SLC25A26: variants seen among roughly 807,000 people sequenced by gnomAD.
SLC25A26 encodes mitochondrial S-adenosylmethionine carrier protein.
A neutral mutation model predicts 37.8 loss-of-function variants in SLC25A26; 36 were observed. The observed-to-expected ratio is 0.95, with a 90% CI of 0.73 to 1.26. The LOEUF (loss-of-function observed/expected upper bound fraction) is 1.26. SLC25A26 is among the 50% of genes most tolerant of loss of function. The pLI is 0.00. For missense variants in SLC25A26, 390 were observed against 331.1 expected (o/e 1.18, Z -1.38); for synonymous variants, 129 against 122.5 (o/e 1.05, Z -0.35).
At chr3:66,351,360 C>T (rs979497632) in intron 6 of SLC25A26, among the ~76,000 whole-genome samples, 3 of 152,086 alleles carry the variant, frequency 2.0e-5, no homozygotes, top group South Asian at 2.1e-4. Flanking sequence ...GAAGCAAAAG[C>T]GGTAGATTAT....
intron 1 of SLC25A26, among the ~76,000 whole-genome samples, chr3:66,183,924 C>T (rs1035306647): frequency 1.3e-5 from 2 of 151,994 alleles, no homozygotes; most frequent in Admixed American, 6.6e-5. Flanking sequence ...TGACTCTGAC[C>T]CTTACCCCTA....
chr3:66,205,245 G>A (rs931663310), intron 1 of SLC25A26, among the ~76,000 whole-genome samples: 11 of 152,144 alleles, frequency 7.2e-5, no homozygotes, highest in African/African-American at 2.2e-4. Flanking sequence ...AAAAAGCGTG[G>A]TGGAGGCTCA....
intron 9 of SLC25A26, among the ~76,000 whole-genome samples, chr3:66,376,927 C>T (rs1289493113): frequency 1.3e-5 from 2 of 152,120 alleles, no homozygotes; most frequent in African/African-American, 4.8e-5. Flanking sequence ...TTTATGTTGG[C>T]ATCTGTAGAT....
rs571720409 is a variant in SLC25A26, at chr3:66,313,220, G to A, written c.454-33144G>A. 2.6e-3 allele frequency among the ~76,000 whole-genome samples: 398 copies of A among 152,236 alleles called. 4 individuals carry two copies. The highest frequency in any genetic ancestry group is 9.1e-3 in the African/African-American group (379 of 41,536). On this transcript the variant is annotated intron_variant, in intron 5 of 9. Coordinates refer to ENST00000354883, the MANE Select transcript of SLC25A26 (RefSeq NM_001379210.1). ...TTTGCCTGTGCCTGTGTCCTCAATGGTATTGCCTAGATTTTCTTCTAGAGT... is the reference window on the plus strand; with the variant it reads ...TTTGCCTGTGCCTGTGTCCTCAATGATATTGCCTAGATTTTCTTCTAGAGT...
chr3:66,356,124 G>A (rs910394311), intron 6 of SLC25A26: 85 of 455,854 alleles, frequency 1.9e-4, no homozygotes, highest in Non-Finnish European at 4.0e-5. Context: ...GTTATTTTCA[G>A]TGTGTTATTC....
At chr3:66,365,224 A>T (rs2076799240) in intron 7 of SLC25A26, among the ~76,000 whole-genome samples, 1 of 152,214 alleles carries the variant, frequency 6.6e-6, no homozygotes, top group South Asian at 2.1e-4. Context: ...TCAAATCAGA[A>T]ATCAGATTTC....
chr3:66,354,415 G>A (rs2076528600), intron 6 of SLC25A26, among the ~76,000 whole-genome samples: 1 of 152,092 alleles, frequency 6.6e-6, no homozygotes. Context: ...ATAGAAATCA[G>A]GGACCAATGC....
chr3:66,376,458 T>TA (rs1482695140), intron 9 of SLC25A26, among the ~76,000 whole-genome samples: 1 of 152,218 alleles, frequency 6.6e-6, no homozygotes, highest in African/African-American at 2.4e-5. Flanking sequence ...CCTGGTCAGT[T>TA]AGCAGCCATC....
In SLC25A26 at chr3:66,241,369, A is replaced by G. The variant is rs150729060; in HGVS notation, c.191-1834A>G. 3.1e-3 allele frequency among the ~76,000 whole-genome samples: 479 copies of G among 152,292 alleles called. 3 individuals are homozygous for G. Among genetic ancestry groups the G allele is most frequent in the East Asian group, 0.017 (86 of 5,174 alleles). ...CAAAGAAACATGTCACAAAGTCCCT[A>G]TCTTTTGGTCACCATTTTTTATGGT... On this transcript the variant is annotated intron_variant, in intron 2 of 9. Coordinates refer to ENST00000354883, the MANE Select transcript of SLC25A26 (RefSeq NM_001379210.1).
chr3:66,216,249 G>A (rs1471223021), upstream of SLC25A26, among the ~76,000 whole-genome samples: 6 of 152,146 alleles, frequency 3.9e-5, no homozygotes, highest in African/African-American at 1.2e-4. Context: ...GGAATGGGGC[G>A]CAGTGGCTCC....
intron 5 of SLC25A26, among the ~76,000 whole-genome samples, chr3:66,344,663 C>T (rs1035918156): frequency 6.6e-6 from 1 of 152,214 alleles, no homozygotes; most frequent in African/African-American, 2.4e-5. Context: ...TCGTGGGCAT[C>T]GCCACCACCA....
intron 1 of SLC25A26, among the ~76,000 whole-genome samples, chr3:66,234,599 T>C (rs2107001175): frequency 6.6e-6 from 1 of 152,348 alleles, no homozygotes; most frequent in Non-Finnish European, 1.5e-5. Context: ...TTTTTAATAA[T>C]TAACCTGTGC....
At chr3:66,343,732 A>G (rs978706990) in intron 5 of SLC25A26, among the ~76,000 whole-genome samples, 2 of 152,212 alleles carry the variant, frequency 1.3e-5, no homozygotes, top group African/African-American at 4.8e-5. Context: ...ATCTTATGAA[A>G]TATTTACCTT....
At chr3:66,238,256 T>C (rs1024152481) in intron 2 of SLC25A26, among the ~76,000 whole-genome samples, 1 of 140,794 alleles carries the variant, frequency 7.1e-6, no homozygotes, top group African/African-American at 3.0e-5. Flanking sequence ...AGAATATAAC[T>C]TTTGACTCCC....
intron 1 of SLC25A26, among the ~76,000 whole-genome samples, chr3:66,205,838 T>G (rs1386282298): frequency 1.3e-5 from 2 of 152,188 alleles, no homozygotes; most frequent in Non-Finnish European, 2.9e-5. Flanking sequence ...AATTTGGATC[T>G]CCTCTACCAT....
chr3:66,369,042 AACAAAAAC>A (rs1239895897), intron 7 of SLC25A26, among the ~76,000 whole-genome samples: 2 of 26,128 alleles, frequency 7.7e-5, no homozygotes, highest in African/African-American at 2.5e-4. Flanking sequence ...AAAAAAAAAA[AACAAAAAC>A]AAAAAAAAAA....
At chr3:66,301,175 A>G (rs1438751270) in intron 5 of SLC25A26, among the ~76,000 whole-genome samples, 2 of 152,252 alleles carry the variant, frequency 1.3e-5, no homozygotes, top group Non-Finnish European at 2.9e-5. Flanking sequence ...TCTTTTTAGT[A>G]TTCAACTCAA....
intron 5 of SLC25A26, among the ~76,000 whole-genome samples, chr3:66,300,934 T>C (rs1001039339): frequency 2.0e-5 from 3 of 152,208 alleles, no homozygotes; most frequent in Admixed American, 1.3e-4. Flanking sequence ...AAAAATTACT[T>C]GTTTGGATTT....
In SLC25A26 at chr3:66,275,028, T is replaced by G. The variant is rs550158618; in HGVS notation, c.453+11649T>G. ...AATGTCCAACAATGATAGACTGGAT[T>G]AAGAAAATGTGGCACATATACACCA... On this transcript the variant is annotated intron_variant, in intron 5 of 9. Coordinates refer to ENST00000354883, the MANE Select transcript of SLC25A26 (RefSeq NM_001379210.1). Among the ~76,000 whole-genome samples the G allele has an allele frequency of 2.8e-4, 43 of 152,046 alleles. 2 individuals carry two copies. The highest frequency in any genetic ancestry group is 1.2e-3 in the South Asian group (6 of 4,810).
Sources: allele counts gnomAD v4.1 joint callset (sites outside exome capture counted in the v4.1 genomes callset), GRCh38; gene constraint gnomAD v4.1.1; transcripts MANE v1.5; gene names NCBI Gene and HGNC (gene_info 2026-07-23, HGNC 2026-07-21).